Variants in PLXNC1 observed in about 807,000 individuals in gnomAD.
PLXNC1 encodes the protein plexin-C1.
In PLXNC1, 75 loss-of-function variants were observed where a neutral mutation model predicts 178.2. The ratio of observed to expected loss-of-function variants is 0.42; its 90% confidence interval spans 0.35 to 0.51. The LOEUF (loss-of-function observed/expected upper bound fraction) is 0.51. Ranked by LOEUF, PLXNC1 falls within the 20% of genes least tolerant of loss-of-function variation. The pLI is 0.02. For synonymous variants in PLXNC1, 790 were observed against 779.9 expected (o/e 1.01, Z -0.22); for missense variants, 1,503 against 1,984.4 (o/e 0.76, Z 4.61).
chr12:94,193,957 T>TA (rs1196393140), intron 4 of PLXNC1, among the ~76,000 whole-genome samples: 1 of 152,138 alleles, frequency 6.6e-6, no homozygotes, highest in African/African-American at 2.4e-5. Flanking sequence ...TATAATGAAA[T>TA]ACCTGAGACT....
At chr12:94,275,900 C>T (rs1965921931) in intron 21 of PLXNC1, among the ~76,000 whole-genome samples, 1 of 146,408 alleles carries the variant, frequency 6.8e-6, no homozygotes, top group Non-Finnish European at 1.5e-5. Flanking sequence ...TGTTTGAGCA[C>T]TAAGTGTTAG....
At chr12:94,205,106 T>C (rs370306309) in intron 4 of PLXNC1, among the ~76,000 whole-genome samples, 1 of 152,310 alleles carries the variant, frequency 6.6e-6, no homozygotes, top group South Asian at 2.1e-4. Flanking sequence ...TACTGCAAGA[T>C]TCTAGCCTAA....
At chr12:94,303,713 AC>A in intron 28 of PLXNC1, 42 bp from the exon 29 acceptor site, 1 of 869,538 alleles carries the variant, frequency 1.2e-6, no homozygotes, top group East Asian at 4.0e-5. Context: ...TTTTTTTTTT[AC>A]TCTTTTGGTG....
At chr12:94,168,307 G>A (rs1332056255) in intron 1 of PLXNC1, 1 of 152,194 alleles carries the variant, frequency 6.6e-6, no homozygotes, top group Non-Finnish European at 1.5e-5. Context: ...AACAAACTCA[G>A]TTTCCTGTCG....
chr12:94,280,399 TG>T (rs1202268205), intron 22 of PLXNC1, among the ~76,000 whole-genome samples: 1 of 152,180 alleles, frequency 6.6e-6, no homozygotes, highest in African/African-American at 2.4e-5. Context: ...TTCCCCTTGA[TG>T]TACAGTTATA....
At position 94,154,297 on chromosome 12, in the gene PLXNC1, C is replaced by T. The variant is rs1592715166; in HGVS notation, c.1062+4264C>T. Reference sequence around the variant, plus strand: ...CTGGAAAATAGCAGAGGATTTAGAACCTGGGTGGTCCAGCTCTACGACCTG... The same window carrying T: ...CTGGAAAATAGCAGAGGATTTAGAATCTGGGTGGTCCAGCTCTACGACCTG... On this transcript the variant is annotated intron_variant, in intron 1 of 30. Transcript: ENST00000258526. Among the ~76,000 whole-genome samples the T allele has an allele frequency of 2.0e-5, 3 of 152,172 alleles. No homozygotes were observed. The East Asian group carries it at 5.8e-4, about 29-fold the overall frequency.
intron 28 of PLXNC1, 63 bp from the exon 29 acceptor site, chr12:94,303,693 C>CTTTTT: frequency 1.4e-6 from 1 of 699,116 alleles, no homozygotes; most frequent in Non-Finnish European, 1.9e-6. Context: ...ATTCCTCCAT[C>CTTTTT]TTTTTTTTTT....
intron 1 of PLXNC1, among the ~76,000 whole-genome samples, chr12:94,152,752 G>A (rs919420555): frequency 5.9e-5 from 9 of 152,176 alleles, no homozygotes; most frequent in East Asian, 5.8e-4. Flanking sequence ...CTTATTTTCC[G>A]TCTTCAATCA....
chr12:94,255,864 T>A (rs1964823255), intron 17 of PLXNC1: 1 of 155,254 alleles, frequency 6.4e-6, no homozygotes. Flanking sequence ...CCTCATTTAG[T>A]AGACGTAGAT....
At chr12:94,232,426 C>T (rs1964128778) in intron 9 of PLXNC1, among the ~76,000 whole-genome samples, 2 of 152,132 alleles carry the variant, frequency 1.3e-5, no homozygotes, top group South Asian at 2.1e-4. Flanking sequence ...TGATCTCTCA[C>T]AGGCAATCCA....
intron 1 of PLXNC1, among the ~76,000 whole-genome samples, chr12:94,163,912 C>T (rs957331013): frequency 2.0e-5 from 3 of 152,196 alleles, no homozygotes; most frequent in Non-Finnish European, 4.4e-5. Context: ...AATAGTTGTC[C>T]TTTCCATCTC....
intron 1 of PLXNC1, among the ~76,000 whole-genome samples, chr12:94,156,707 TC>T (rs745541264): frequency 0.015 from 2,054 of 140,006 alleles, 62 homozygotes; most frequent in Non-Finnish European, 0.021. Flanking sequence ...AAACTTTCTT[TC>T]TTTTTTTTTT....
chr12:94,235,251 A>G (rs925720017), intron 9 of PLXNC1, among the ~76,000 whole-genome samples: 10 of 152,224 alleles, frequency 6.6e-5, no homozygotes, highest in Non-Finnish European at 1.3e-4. Context: ...ACTCAGGGAA[A>G]TAAAAAGTTA....
intron 17 of PLXNC1, 34 bp from the exon 18 acceptor site, chr12:94,259,303 G>A: frequency 1.3e-6 from 2 of 1,514,722 alleles, no homozygotes; most frequent in Non-Finnish European, 1.8e-6. Flanking sequence ...TCCTTTGGAT[G>A]TTATGAATAA....
rs747582845 is a variant in PLXNC1, at chr12:94,260,211, A to G, written c.3252-431A>G. 6.6e-5 allele frequency among the ~76,000 whole-genome samples: 10 copies of G among 151,846 alleles called. No individual in the cohort carries two copies. Among genetic ancestry groups the G allele is most frequent in the Admixed American group, 1.3e-4 (2 of 15,240 alleles). ...TGGAACTACAGGTGCATGCCACCACACCCAGCTAATGTTTTGTTGTTGTTG... is the reference window on the plus strand; with the variant it reads ...TGGAACTACAGGTGCATGCCACCACGCCCAGCTAATGTTTTGTTGTTGTTG... On this transcript the variant is annotated intron_variant, in intron 19 of 30. Coordinates refer to ENST00000258526, the MANE Select transcript of PLXNC1 (RefSeq NM_005761.3). This position sits in a 1 kb window ranked among gnomAD's most constrained non-coding sequence, Gnocchi z 4.4.
chr12:94,192,367 T>A (rs1962759897), intron 4 of PLXNC1, among the ~76,000 whole-genome samples: 4 of 151,908 alleles, frequency 2.6e-5, no homozygotes, highest in African/African-American at 9.7e-5. Context: ...CTAAGTCCTA[T>A]GCTCAGTGCT....
intron 21 of PLXNC1, among the ~76,000 whole-genome samples, chr12:94,272,674 G>A (rs1280889240): frequency 1.3e-5 from 2 of 152,228 alleles, no homozygotes; most frequent in African/African-American, 2.4e-5. Context: ...GGAGGCCAAG[G>A]TGGGAGGATC....
At chr12:94,214,703 A>C (rs1963593583) in intron 5 of PLXNC1, among the ~76,000 whole-genome samples, 1 of 152,220 alleles carries the variant, frequency 6.6e-6, no homozygotes, top group Admixed American at 6.5e-5. Context: ...ATGAATAAAA[A>C]GTCCTATTCA....
intron 23 of PLXNC1, among the ~76,000 whole-genome samples, chr12:94,287,359 C>T (rs1458239091): frequency 6.6e-6 from 1 of 152,200 alleles, no homozygotes; most frequent in African/African-American, 2.4e-5. Flanking sequence ...GGCATGTGCA[C>T]CTGCATGTTC....
Sources: gnomAD v4.1 joint callset for allele counts (sites outside exome capture counted in the v4.1 genomes callset) on GRCh38, gnomAD v4.1.1 for gene constraint, Gnocchi (gnomAD v3.1) non-coding constraint, MANE v1.5 for transcripts, NCBI Gene and HGNC (gene_info 2026-07-23, HGNC 2026-07-21) for gene names.